CACNA2D1: variants seen among roughly 807,000 people sequenced by gnomAD.
The protein encoded by CACNA2D1 is voltage-dependent calcium channel subunit alpha-2/delta-1.
Under a neutral mutation model 171.5 loss-of-function variants are expected in CACNA2D1, and 53 were observed. That is an observed-to-expected ratio of 0.31 (90% CI 0.25 to 0.39). The LOEUF (loss-of-function observed/expected upper bound fraction) is 0.39, where lower values mean the gene tolerates loss of function less well. Ranked by LOEUF, CACNA2D1 falls within the 10% of genes least tolerant of loss-of-function variation. The pLI is 1.00. For missense variants in CACNA2D1, 903 were observed against 1,299.8 expected, an observed-to-expected ratio of 0.69 and a Z score of 4.69; for synonymous variants, 442 against 443.1, an observed-to-expected ratio of 1.00 and a Z score of 0.03.
intron 31 of CACNA2D1, among the ~76,000 whole-genome samples, chr7:81,966,197 A>T (rs1426800144): frequency 1.5e-5 from 1 of 65,508 alleles, no homozygotes; most frequent in African/African-American, 7.3e-5. Flanking sequence ...AAAAATGTCC[A>T]TGGTTAATAC....
chr7:82,012,157 T>C lies in CACNA2D1; in HGVS notation c.1359A>G (p.Ala453=), dbSNP rs756230216. Residue 453 remains alanine, a synonymous_variant, in exon 15 of 39, where the codon GCA becomes GCG. Coordinates refer to ENST00000356860, the MANE Select transcript of CACNA2D1 (RefSeq NM_000722.4). ...QVQWTNVYLD[A]LELGLVITGT... ...ACTGAATAGCTCAACCTCTTACCAA[T>C]GCATCCAGGTACACATTTGTCCATT... 3.8e-6 allele frequency: 6 copies of C among 1,567,494 alleles called. No homozygotes were observed. The highest frequency in any genetic ancestry group is 1.7e-5 in the Admixed American group (1 of 59,908).
At chr7:82,010,471 C>G (rs575596404) in intron 15 of CACNA2D1, among the ~76,000 whole-genome samples, 3 of 151,748 alleles carry the variant, frequency 2.0e-5, no homozygotes, top group Non-Finnish European at 2.9e-5. Context: ...CAGTAAGAAC[C>G]TTACCAGCAA....
In CACNA2D1 at chr7:82,091,446, C is replaced by T. The variant is rs182738838; in HGVS notation, c.527-6546G>A. On this transcript the variant is annotated intron_variant, in intron 6 of 38. Coordinates refer to ENST00000356860, the MANE Select transcript of CACNA2D1 (RefSeq NM_000722.4). ...TGCCCCCTATCACTTTAGTTTCCTG[C>T]GGATTGAGCACCTGGCCAATGCCCA... 1.8e-3 allele frequency among the ~76,000 whole-genome samples: 273 copies of T among 152,258 alleles called. 2 individuals carry two copies. Among genetic ancestry groups the T allele is most frequent in the African/African-American group, 5.4e-3 (225 of 41,544 alleles).
intron 6 of CACNA2D1, among the ~76,000 whole-genome samples, chr7:82,095,676 GA>G (rs2129026852): frequency 1.3e-5 from 2 of 152,280 alleles, no homozygotes; most frequent in Non-Finnish European, 2.9e-5. Flanking sequence ...ATTTGTTAAT[GA>G]ATGAAAGAGT....
intron 4 of CACNA2D1, among the ~76,000 whole-genome samples, chr7:82,158,389 G>A (rs1202032734): frequency 6.6e-6 from 1 of 151,792 alleles, no homozygotes; most frequent in Non-Finnish European, 1.5e-5. Context: ...TTGGCAATGT[G>A]TATGTGAAAT....
rs941421684 is a variant in CACNA2D1, at chr7:82,348,616, A to G, written c.177+952T>C. 2.6e-5 allele frequency among the ~76,000 whole-genome samples: 4 copies of G among 152,286 alleles called. No individual in the cohort carries two copies. The East Asian group carries it at 7.7e-4, about 29-fold the overall frequency. Reference sequence around the variant, plus strand: ...AGTTGTTTTATAAAGAGATTCTGGTATAATTTTTTGAAGTTTGTGTGTATT... The same window carrying G: ...AGTTGTTTTATAAAGAGATTCTGGTGTAATTTTTTGAAGTTTGTGTGTATT... On this transcript the variant is annotated intron_variant, in intron 2 of 38. Transcript: ENST00000356860.
chr7:82,304,782 G>C (rs182005381), intron 3 of CACNA2D1, among the ~76,000 whole-genome samples: 1 of 152,030 alleles, frequency 6.6e-6, no homozygotes, highest in Non-Finnish European at 1.5e-5. Context: ...GAAAGAGAAG[G>C]AATGAGTTCT....
rs188892570 is a variant in CACNA2D1 at position 81,991,408 on chromosome 7, G to A, written c.1735-162C>T. On this transcript the variant is annotated intron_variant, in intron 20 of 38. Coordinates refer to ENST00000356860, the MANE Select transcript of CACNA2D1 (RefSeq NM_000722.4). ...CTATATTTATTTATTTTCTGGGTGT[G>A]TCTAGCAAAATTTTTGACAGAAACA... 3.3e-5 allele frequency among the ~76,000 whole-genome samples: 5 copies of A among 152,234 alleles called. No individual in the cohort carries two copies. In the East Asian group the frequency reaches 9.6e-4, roughly 29 times the overall value.
chr7:82,293,288 G>T (rs1263391178), intron 3 of CACNA2D1, among the ~76,000 whole-genome samples: 1 of 151,462 alleles, frequency 6.6e-6, no homozygotes, highest in African/African-American at 2.4e-5. Flanking sequence ...TTTTGCTTTT[G>T]TCTTTTTTTT....
At chr7:82,281,709 G>A (rs951024019) in intron 3 of CACNA2D1, among the ~76,000 whole-genome samples, 3 of 152,082 alleles carry the variant, frequency 2.0e-5, no homozygotes, top group African/African-American at 7.2e-5. Flanking sequence ...TATAGAATTT[G>A]TATCAATGTT....
chr7:82,393,513 G>C (rs1825427899), intron 1 of CACNA2D1, among the ~76,000 whole-genome samples: 1 of 152,118 alleles, frequency 6.6e-6, no homozygotes, highest in South Asian at 2.1e-4. Context: ...GCCCTTGGCT[G>C]TTTTATTTCA....
rs113691652 is a variant in CACNA2D1 at position 81,979,105 on chromosome 7, G to T, written c.1955+3462C>A. On this transcript the variant is annotated intron_variant, in intron 24 of 38. Coordinates refer to ENST00000356860, the MANE Select transcript of CACNA2D1 (RefSeq NM_000722.4). ...ACGTATTGTATTGTTCCATTTATACGACGTGTCTAGAACAAGCACATGGCC... is the reference window on the plus strand; with the variant it reads ...ACGTATTGTATTGTTCCATTTATACTACGTGTCTAGAACAAGCACATGGCC... Among the ~76,000 whole-genome samples the T allele has an allele frequency of 1.7e-3, 262 of 151,988 alleles. 1 individual carries two copies. Among genetic ancestry groups the T allele is most frequent in the African/African-American group, 6.0e-3 (248 of 41,466 alleles).
At chr7:81,967,095 T>C (rs889569444) in intron 31 of CACNA2D1, 74 bp downstream of exon 31, 1 of 1,069,020 alleles carries the variant, frequency 9.4e-7, no homozygotes, top group African/African-American at 1.6e-5. Flanking sequence ...GCATATTTTT[T>C]CATCACTATA....
chr7:82,294,616 T>C (rs947726700), intron 3 of CACNA2D1, among the ~76,000 whole-genome samples: 1 of 152,092 alleles, frequency 6.6e-6, no homozygotes, highest in Admixed American at 6.6e-5. Context: ...AAATATGTCA[T>C]GAGTCATGAA....
chr7:82,061,371 A>G (rs1806889961), intron 9 of CACNA2D1, among the ~76,000 whole-genome samples: 1 of 152,110 alleles, frequency 6.6e-6, no homozygotes, highest in Admixed American at 6.6e-5. Context: ...TCTCTGGCTC[A>G]GTCTTCATTA....
chr7:82,380,467 T>C (rs1323969630), intron 1 of CACNA2D1, among the ~76,000 whole-genome samples: 1 of 152,186 alleles, frequency 6.6e-6, no homozygotes, highest in Non-Finnish European at 1.5e-5. Flanking sequence ...AACTATTATA[T>C]AATAAAAAGT....
At chr7:81,951,439 C>T (rs1792509146) in intron 38 of CACNA2D1, among the ~76,000 whole-genome samples, 1 of 151,940 alleles carries the variant, frequency 6.6e-6, no homozygotes, top group South Asian at 2.1e-4. Context: ...GATTTTGGTG[C>T]ACCTGTCACC....
intron 3 of CACNA2D1, among the ~76,000 whole-genome samples, chr7:82,191,913 T>C (rs370755839): frequency 1.4e-3 from 220 of 151,942 alleles, no homozygotes; most frequent in African/African-American, 5.0e-3. Context: ...ATATTCATCT[T>C]AGAAATACAA....
At chr7:81,957,071 AAGT>A (rs1392968886) in intron 38 of CACNA2D1, among the ~76,000 whole-genome samples, 2 of 152,150 alleles carry the variant, frequency 1.3e-5, no homozygotes, top group Non-Finnish European at 1.5e-5. Flanking sequence ...TTATTTTAAA[AAGT>A]AGAAAAATCT....
Sources: allele counts gnomAD v4.1 joint callset (sites outside exome capture counted in the v4.1 genomes callset), GRCh38; gene constraint gnomAD v4.1.1; transcripts MANE v1.5; gene names NCBI Gene and HGNC (gene_info 2026-07-23, HGNC 2026-07-21).